The following UNC13C variants were observed in gnomAD, a reference collection of about 807,000 sequenced individuals.
UNC13C encodes protein unc-13 homolog C.
A neutral mutation model predicts 245.4 loss-of-function variants in UNC13C; 174 were observed. That is an observed-to-expected ratio of 0.71 (90% CI 0.63 to 0.80). UNC13C has a LOEUF of 0.80. UNC13C is among the 30% of genes least tolerant of loss of function. UNC13C has a pLI of 0.00. For synonymous variants in UNC13C, 992 were observed against 895.1 expected, an observed-to-expected ratio of 1.11 and a Z score of -1.93; for missense variants, 2,829 against 2,602.9, an observed-to-expected ratio of 1.09 and a Z score of -1.89.
the UNC13C span, among the ~76,000 whole-genome samples, chr15:53,884,031 G>A: frequency 6.6e-6 from 1 of 152,116 alleles, no homozygotes; most frequent in Non-Finnish European, 1.5e-5. Context: ...CTGTGATCCT[G>A]GGGAAATGAT....
intron 19 of UNC13C, among the ~76,000 whole-genome samples, chr15:54,435,581 G>GTGGGGGTGGGGGAC (rs2040965896): frequency 6.7e-6 from 1 of 150,040 alleles, no homozygotes; most frequent in Non-Finnish European, 1.5e-5. Flanking sequence ...CTCTCGGTGG[G>GTGGGGGTGGGGGAC]TGGGGGTGGG....
chr15:54,033,917 C>T (rs1043812343), intron 2 of UNC13C, among the ~76,000 whole-genome samples: 3 of 152,192 alleles, frequency 2.0e-5, no homozygotes, highest in Non-Finnish European at 4.4e-5. Context: ...TAATATAAGC[C>T]TCTGCTATAT....
intron 17 of UNC13C, among the ~76,000 whole-genome samples, chr15:54,392,416 GA>G (rs1267586410): frequency 6.6e-6 from 1 of 151,710 alleles, no homozygotes; most frequent in African/African-American, 2.4e-5. Context: ...TTAAAAAAAG[GA>G]AAAAAAGAGA....
chr15:54,400,437 T>C (rs140491548), intron 18 of UNC13C, among the ~76,000 whole-genome samples: 2 of 152,278 alleles, frequency 1.3e-5, no homozygotes, highest in African/African-American at 4.8e-5. Flanking sequence ...AATATGCCAC[T>C]TTCTGGGTTA....
intron 4 of UNC13C, among the ~76,000 whole-genome samples, chr15:54,193,244 C>T (rs902237736): frequency 7.9e-5 from 12 of 152,112 alleles, no homozygotes; most frequent in African/African-American, 2.7e-4. Context: ...TACATATCTC[C>T]TTATGAATCA....
At chr15:54,173,348 A>C (rs551871756) in intron 4 of UNC13C, among the ~76,000 whole-genome samples, 111 of 152,212 alleles carry the variant, frequency 7.3e-4, no homozygotes, top group Non-Finnish European at 1.4e-3. Context: ...TTCTAATCAA[A>C]GAACATGTAA....
chr15:54,098,274 A>G (rs1386583991), intron 2 of UNC13C, among the ~76,000 whole-genome samples: 1 of 152,150 alleles, frequency 6.6e-6, no homozygotes, highest in Non-Finnish European at 1.5e-5. Flanking sequence ...TGCTGGGTTC[A>G]AGCAATTCCA....
At chr15:54,484,369 T>C (rs1167865163) in intron 19 of UNC13C, among the ~76,000 whole-genome samples, 1 of 152,242 alleles carries the variant, frequency 6.6e-6, no homozygotes, top group Admixed American at 6.5e-5. Flanking sequence ...TGTGTTCACT[T>C]ATGCGTTTTC....
At chr15:54,373,962 A>C (rs2140887514) in intron 17 of UNC13C, among the ~76,000 whole-genome samples, 1 of 152,184 alleles carries the variant, frequency 6.6e-6, no homozygotes. Context: ...CCATCCTGTC[A>C]AGGGTGCAGT....
At chr15:54,417,012 C>T (rs1415256563) in intron 19 of UNC13C, 4 of 456,236 alleles carry the variant, frequency 8.8e-6, no homozygotes, top group African/African-American at 6.0e-5. Context: ...AGAAGATTTC[C>T]CTCACCGCAT....
At chr15:54,060,529 A>G (rs1175279857) in intron 2 of UNC13C, among the ~76,000 whole-genome samples, 1 of 152,212 alleles carries the variant, frequency 6.6e-6, no homozygotes, top group Non-Finnish European at 1.5e-5. Flanking sequence ...GGGACTGTAA[A>G]CTAGTTCAAC....
intron 19 of UNC13C, among the ~76,000 whole-genome samples, chr15:54,420,774 A>G (rs946933598): frequency 2.0e-5 from 3 of 152,008 alleles, no homozygotes; most frequent in Non-Finnish European, 4.4e-5. Flanking sequence ...TTGAAATTTT[A>G]TAAAAATAAA....
chr15:54,237,706 T>C lies in UNC13C; in HGVS notation c.3228+16T>C. 1 of 1,583,230 alleles carries C rather than the reference T, an allele frequency of 6.3e-7. No individual in the cohort carries two copies. The highest frequency in any genetic ancestry group is 8.6e-7 in the Non-Finnish European group (1 of 1,156,786). On this transcript the variant is annotated intron_variant, in intron 7 of 32. Transcript: ENST00000260323. ...TGAGGAACTGGTAAGTACTAGATAT[T>C]GCTCATAATATCTAACTAGATATTG...
the UNC13C span, among the ~76,000 whole-genome samples, chr15:53,952,917 T>C: frequency 2.6e-5 from 4 of 152,304 alleles, no homozygotes; most frequent in African/African-American, 9.6e-5. Context: ...AATTTTTTTT[T>C]CCCCTGAGCG....
intron 24 of UNC13C, among the ~76,000 whole-genome samples, chr15:54,519,243 A>G (rs1269506386): frequency 6.6e-6 from 1 of 152,218 alleles, no homozygotes; most frequent in African/African-American, 2.4e-5. Context: ...TGAGAAGGGA[A>G]AAAATGTATA....
chr15:54,299,208 G>A (rs193030618), intron 12 of UNC13C, among the ~76,000 whole-genome samples: 13 of 152,222 alleles, frequency 8.5e-5, no homozygotes, highest in Admixed American at 7.9e-4. Context: ...TTTTCTACTG[G>A]TCCAAGAACC....
chr15:54,507,091 A>G (rs1373910886), intron 22 of UNC13C, 26 bp from the exon 23 acceptor site: 18 of 1,502,190 alleles, frequency 1.2e-5, no homozygotes, highest in Non-Finnish European at 1.6e-5. Context: ...TTACCTGGGT[A>G]AAGTTCACAA....
At chr15:54,189,792 T>C (rs2034119304) in intron 4 of UNC13C, among the ~76,000 whole-genome samples, 1 of 151,994 alleles carries the variant, frequency 6.6e-6, no homozygotes, top group South Asian at 2.1e-4. Context: ...AGGAGAGAAA[T>C]ACATGCCACA....
rs571642743 is a variant in UNC13C, at chr15:54,444,110, T to A, written c.4933+29043T>A. On this transcript the variant is annotated intron_variant, in intron 19 of 32. Coordinates refer to ENST00000260323, the MANE Select transcript of UNC13C (RefSeq NM_001080534.3). ...TACATATATATTTAGAACTGTTATG[T>A]CCTCTTTCTGGATGATCCCTTATCA... is the stretch of plus-strand genomic sequence containing the variant. Among the ~76,000 whole-genome samples, 85 of 152,052 alleles carry A rather than the reference T, an allele frequency of 5.6e-4. 4 individuals are homozygous for A. Among genetic ancestry groups the A allele is most frequent in the Admixed American group, 4.7e-3 (71 of 15,262 alleles).
Sources: allele counts gnomAD v4.1 joint callset (sites outside exome capture counted in the v4.1 genomes callset), GRCh38; gene constraint gnomAD v4.1.1; transcripts MANE v1.5; gene names NCBI Gene and HGNC (gene_info 2026-07-23, HGNC 2026-07-21).